POU2F1: variants seen among roughly 807,000 people sequenced by gnomAD.
POU2F1 encodes POU domain, class 2, transcription factor 1.
A neutral mutation model predicts 84.9 loss-of-function variants in POU2F1; 16 were observed. That is an observed-to-expected ratio of 0.19 (90% CI 0.13 to 0.29). POU2F1 has a LOEUF of 0.29. Ranked by LOEUF, POU2F1 falls within the 10% of genes least tolerant of loss-of-function variation. The pLI, the probability that POU2F1 is intolerant of heterozygous loss-of-function variation, is 1.00. For missense variants in POU2F1, 738 were observed against 942.6 expected, an observed-to-expected ratio of 0.78 and a Z score of 2.84; for synonymous variants, 368 against 368.3, an observed-to-expected ratio of 1.00 and a Z score of 0.01.
intron 4 of POU2F1, among the ~76,000 whole-genome samples, chr1:167,371,662 GAAA>G (rs904211336): frequency 6.6e-6 from 1 of 152,060 alleles, no homozygotes; most frequent in African/African-American, 2.4e-5. Context: ...TGGGGGCTAT[GAAA>G]AAAATCTATA....
intron 1 of POU2F1, among the ~76,000 whole-genome samples, chr1:167,277,496 A>AT (rs1652813108): frequency 7.1e-6 from 1 of 141,294 alleles, no homozygotes; most frequent in African/African-American, 3.1e-5. Context: ...TACCTGGCTA[A>AT]TTAAAAAAAA....
In POU2F1 at chr1:167,365,540, G is replaced by A. The variant is rs561693877; in HGVS notation, c.201G>A (p.Ala67=). The A allele has an allele frequency of 3.9e-5, 63 of 1,600,306 alleles. No homozygotes were observed. The highest frequency in any genetic ancestry group is 8.7e-5 in the Admixed American group (5 of 57,642). The part of the protein sequence containing the change: ...PVGGAISTAQ[A]QAFLGHLHQV... ...GAGGAGCAATCTCAACAGCCCAGGC[G>A]CAGGCTTTCCTTGGACATCTCCATC... Residue 67 remains alanine (A), a synonymous_variant, in exon 3 of 16, where the codon GCG becomes GCA. Transcript: ENST00000367866.
At chr1:167,280,391 T>C (rs1245784337) in intron 1 of POU2F1, among the ~76,000 whole-genome samples, 1 of 151,766 alleles carries the variant, frequency 6.6e-6, no homozygotes, top group Admixed American at 6.6e-5. Flanking sequence ...TTAGTTTTTA[T>C]AGCTAGTCTA....
At chr1:167,391,326 T>C (rs1648382530) in intron 9 of POU2F1, among the ~76,000 whole-genome samples, 1 of 151,994 alleles carries the variant, frequency 6.6e-6, no homozygotes, top group Non-Finnish European at 1.5e-5. Context: ...AAAAAAAAAC[T>C]GAAGTATGGA....
intron 1 of POU2F1, among the ~76,000 whole-genome samples, chr1:167,252,499 C>T (rs991842558): frequency 3.3e-5 from 5 of 152,126 alleles, no homozygotes; most frequent in Admixed American, 6.5e-5. Context: ...CCACCGCGCC[C>T]GGCCTGAATC....
chr1:167,244,327 A>G (rs912137809), intron 1 of POU2F1, among the ~76,000 whole-genome samples: 2 of 152,194 alleles, frequency 1.3e-5, no homozygotes, highest in South Asian at 4.1e-4. Flanking sequence ...ATATGCTGCC[A>G]AGCTCACTCA....
intron 1 of POU2F1, among the ~76,000 whole-genome samples, chr1:167,315,611 A>T (rs1222802030): frequency 1.3e-5 from 2 of 151,754 alleles, no homozygotes; most frequent in South Asian, 2.1e-4. Context: ...ACTTGTCTCT[A>T]AAAAAAATTG....
At chr1:167,386,042 A>G (rs1647946499) in intron 8 of POU2F1, among the ~76,000 whole-genome samples, 1 of 152,262 alleles carries the variant, frequency 6.6e-6, no homozygotes, top group African/African-American at 2.4e-5. Flanking sequence ...TAAATGAAAT[A>G]TCACTACACA....
At position 167,371,752 on chromosome 1, in the gene POU2F1, C is replaced by T. The variant is rs535721050; in HGVS notation, c.283-165C>T. Among the ~76,000 whole-genome samples, 134 of 152,234 alleles carry T rather than the reference C, an allele frequency of 8.8e-4. 1 individual carries two copies. Among genetic ancestry groups the T allele is most frequent in the African/African-American group, 2.8e-3 (116 of 41,532 alleles). ...GCATTAGAATTAACAAGTTTAAAAACTTGGTATGTGAAACTAGGAAAATAC... is the reference window on the plus strand; with the variant it reads ...GCATTAGAATTAACAAGTTTAAAAATTTGGTATGTGAAACTAGGAAAATAC... On this transcript the variant is annotated intron_variant, in intron 4 of 15. Transcript: ENST00000367866.
At chr1:167,242,907 GTA>G (rs921126780) in intron 1 of POU2F1, among the ~76,000 whole-genome samples, 8 of 152,016 alleles carry the variant, frequency 5.3e-5, no homozygotes, top group Admixed American at 2.0e-4. Context: ...ACAGACATAC[GTA>G]TATTCTCATT....
intron 1 of POU2F1, among the ~76,000 whole-genome samples, chr1:167,320,654 T>C (rs1656243613): frequency 6.6e-6 from 1 of 152,198 alleles, no homozygotes; most frequent in Non-Finnish European, 1.5e-5. Flanking sequence ...GTCCGTGAAT[T>C]AGTTTGTGGA....
At position 167,275,032 on chromosome 1, in the gene POU2F1, ATTT is replaced by A. The variant is rs11413742; in HGVS notation, c.61+54093_61+54095del. Among the ~76,000 whole-genome samples the A allele has an allele frequency of 4.1e-3, 463 of 112,482 alleles. 5 individuals carry two copies. Among genetic ancestry groups the A allele is most frequent in the East Asian group, 0.011 (37 of 3,512 alleles). The allele number at this position is 112,482 out of a possible 152,430, so 73.8% of individuals were successfully genotyped here. ...TAATCTTACTTAGTCAAATAAATGT[ATTT>A]TTTTTTTTTTTTTTTTTTGAGACAG... On this transcript the variant is annotated intron_variant, in intron 1 of 15. Coordinates refer to ENST00000367866, the MANE Select transcript of POU2F1 (RefSeq NM_002697.4).
intron 1 of POU2F1, among the ~76,000 whole-genome samples, chr1:167,258,545 A>G (rs1651314597): frequency 6.6e-6 from 1 of 152,202 alleles, no homozygotes; most frequent in South Asian, 2.1e-4. Flanking sequence ...CAGTGAGATT[A>G]TATAGATATA....
At chr1:167,333,422 G>A (rs1657211696) in intron 2 of POU2F1, among the ~76,000 whole-genome samples, 1 of 152,164 alleles carries the variant, frequency 6.6e-6, no homozygotes, top group Admixed American at 6.5e-5. Context: ...TAAAAACTAG[G>A]TTTTTCGCTT....
At chr1:167,221,921 C>T (rs1450814108) in intron 1 of POU2F1, among the ~76,000 whole-genome samples, 1 of 151,874 alleles carries the variant, frequency 6.6e-6, no homozygotes, top group African/African-American at 2.4e-5. Context: ...CGGCGGTCGG[C>T]AGCCCCTTTG....
chr1:167,327,296 TATC>T (rs1429220386), intron 1 of POU2F1, among the ~76,000 whole-genome samples: 2 of 152,304 alleles, frequency 1.3e-5, no homozygotes, highest in East Asian at 1.9e-4. Flanking sequence ...ATGAAAGGGA[TATC>T]ATCATTTTAT....
intron 2 of POU2F1, among the ~76,000 whole-genome samples, chr1:167,339,828 T>C (rs1025089730): frequency 6.6e-6 from 1 of 152,250 alleles, no homozygotes; most frequent in Non-Finnish European, 1.5e-5. Context: ...TATAAAGTAG[T>C]AATTTATTAT....
At position 167,371,905 on chromosome 1, in the gene POU2F1, A is replaced by T; in HGVS notation, c.283-12A>T. The T allele has an allele frequency of 6.2e-7, 1 of 1,613,976 alleles. No individual in the cohort carries two copies. The highest frequency in any genetic ancestry group is 8.5e-7 in the Non-Finnish European group (1 of 1,179,920). Reference sequence around the variant, plus strand: ...ATTTGCAATCTTTTATTTCCTACCCACCCCACCTCAGTCTAAATCTAATGA... The same window carrying T: ...ATTTGCAATCTTTTATTTCCTACCCTCCCCACCTCAGTCTAAATCTAATGA... On this transcript the variant is annotated splice_polypyrimidine_tract_variant and intron_variant, in intron 4 of 15. Coordinates refer to ENST00000367866, the MANE Select transcript of POU2F1 (RefSeq NM_002697.4).
intron 1 of POU2F1, chr1:167,329,415 G>C: frequency 1.5e-6 from 2 of 1,317,394 alleles, no homozygotes; most frequent in Non-Finnish European, 2.1e-6. Context: ...GGCGGGGGAG[G>C]GGGAGAGTTG....
Sources: allele counts gnomAD v4.1 joint callset (sites outside exome capture counted in the v4.1 genomes callset), GRCh38; gene constraint gnomAD v4.1.1; transcripts MANE v1.5; gene names NCBI Gene and HGNC (gene_info 2026-07-23, HGNC 2026-07-21).